CACNA1C: variants seen among roughly 807,000 people sequenced by gnomAD.
CACNA1C encodes the protein voltage-dependent L-type calcium channel subunit alpha-1C.
In CACNA1C, 30 loss-of-function variants were observed where a neutral mutation model predicts 229.0. The observed-to-expected ratio is 0.13, with a 90% CI of 0.10 to 0.18. CACNA1C has a LOEUF of 0.18. CACNA1C is among the 10% of genes least tolerant of loss of function. The pLI, the probability that CACNA1C is intolerant of heterozygous loss-of-function variation, is 1.00. For synonymous variants in CACNA1C, 1,114 were observed against 1,132.5 expected (o/e 0.98, Z 0.33); for missense variants, 1,658 against 2,845.0 (o/e 0.58, Z 9.49).
chr12:2,556,071 C>G (rs2044083841), intron 10 of CACNA1C, among the ~76,000 whole-genome samples: 1 of 152,170 alleles, frequency 6.6e-6, no homozygotes, highest in African/African-American at 2.4e-5. Context: ...TCTCCTAGCA[C>G]CAAAGCCAAG....
chr12:2,077,472 T>G (rs2063648806), intron 1 of CACNA1C, among the ~76,000 whole-genome samples: 1 of 152,134 alleles, frequency 6.6e-6, no homozygotes, highest in Non-Finnish European at 1.5e-5. Flanking sequence ...AAAAATAGCC[T>G]TACTTTATTG....
intron 11 of CACNA1C, among the ~76,000 whole-genome samples, chr12:2,560,836 T>C (rs2047040491): frequency 7.2e-6 from 1 of 138,020 alleles, no homozygotes; most frequent in Non-Finnish European, 1.5e-5. Flanking sequence ...TGGTGTTTGT[T>C]GTTGGTTCTG....
intron 3 of CACNA1C, among the ~76,000 whole-genome samples, chr12:2,260,082 A>C (rs774839360): frequency 1.3e-5 from 2 of 152,206 alleles, no homozygotes; most frequent in African/African-American, 4.8e-5. Context: ...GTCCCAAACC[A>C]TCAGAAGGAA....
At chr12:2,378,358 A>G (rs2098133205) in intron 3 of CACNA1C, among the ~76,000 whole-genome samples, 1 of 152,128 alleles carries the variant, frequency 6.6e-6, no homozygotes, top group African/African-American at 2.4e-5. Context: ...GCACCCCTCT[A>G]TGGCCTCTGC....
At chr12:2,160,768 T>C (rs923035254) in intron 3 of CACNA1C, among the ~76,000 whole-genome samples, 2 of 152,224 alleles carry the variant, frequency 1.3e-5, no homozygotes, top group East Asian at 3.8e-4. Flanking sequence ...CAAGTTTCTT[T>C]GCTTTCCAGT....
In CACNA1C at chr12:2,116,523, G is replaced by A. The variant is rs140081148; in HGVS notation, c.371+978G>A. On this transcript the variant is annotated intron_variant, in intron 2 of 46. Coordinates refer to ENST00000399655, the MANE Select transcript of CACNA1C (RefSeq NM_000719.7). Reference sequence around the variant, plus strand: ...CGGGACCACAGGTGCCCGCCACCACGCTCGGCTATTCTTTTTTGTATTTTT... The same window carrying A: ...CGGGACCACAGGTGCCCGCCACCACACTCGGCTATTCTTTTTTGTATTTTT... Among the ~76,000 whole-genome samples the A allele has an allele frequency of 4.8e-3, 724 of 152,142 alleles. 5 individuals carry two copies. The highest frequency in any genetic ancestry group is 0.017 in the African/African-American group (696 of 41,510).
chr12:2,192,270 A>G (rs1002512424), intron 3 of CACNA1C, among the ~76,000 whole-genome samples: 1 of 152,136 alleles, frequency 6.6e-6, no homozygotes, highest in Non-Finnish European at 1.5e-5. Context: ...GTGTCTTCCT[A>G]TATTTCTTGC....
At chr12:2,043,154 A>G (rs924597798) in intron 1 of CACNA1C, among the ~76,000 whole-genome samples, 4 of 152,230 alleles carry the variant, frequency 2.6e-5, no homozygotes, top group Non-Finnish European at 5.9e-5. Context: ...TATGAATTAG[A>G]ATCATTGACT....
intron 3 of CACNA1C, among the ~76,000 whole-genome samples, chr12:2,282,113 A>G (rs2091453543): frequency 6.6e-6 from 1 of 151,906 alleles, no homozygotes; most frequent in Admixed American, 6.6e-5. Context: ...AGGGGGATTT[A>G]CCTAATTTTA....
intron 1 of CACNA1C, among the ~76,000 whole-genome samples, chr12:2,077,420 T>TGA (rs1220374048): frequency 1.0e-4 from 1 of 9,676 alleles, no homozygotes; most frequent in Non-Finnish European, 2.8e-4. Flanking sequence ...GAAGATGAAG[T>TGA]AGTAGTATTG....
At chr12:2,617,197 A>G (rs1401325192) in intron 29 of CACNA1C, among the ~76,000 whole-genome samples, 3 of 152,202 alleles carry the variant, frequency 2.0e-5, no homozygotes, top group Non-Finnish European at 4.4e-5. Context: ...CACTTCCTTT[A>G]TCGAGAGTGA....
intron 4 of CACNA1C, among the ~76,000 whole-genome samples, chr12:2,455,053 T>C (rs951424906): frequency 6.6e-6 from 1 of 152,206 alleles, no homozygotes; most frequent in Non-Finnish European, 1.5e-5. Context: ...ACCCTTTCTG[T>C]GCACCCATCC....
rs1241518415 is a variant in CACNA1C at position 2,300,464 on chromosome 12, TA to T, written c.478-148500del. Among the ~76,000 whole-genome samples, 179 of 144,608 alleles carry T rather than the reference TA, an allele frequency of 1.2e-3. 1 individual carries two copies. Among genetic ancestry groups the T allele is most frequent in the African/African-American group, 3.0e-3 (120 of 39,696 alleles). The allele number at this position is 144,608 out of a possible 152,430, so 94.9% of individuals were successfully genotyped here. ...GGTGAAATCCTGTCTCTACTAAAAATAAAAAAAAAAAATTAGCTGGGCGTGG... is the reference window on the plus strand; with the variant it reads ...GGTGAAATCCTGTCTCTACTAAAAATAAAAAAAAAAATTAGCTGGGCGTGG... On this transcript the variant is annotated intron_variant, in intron 3 of 46. Coordinates refer to ENST00000399655, the MANE Select transcript of CACNA1C (RefSeq NM_000719.7).
At chr12:2,635,317 G>A (rs930844880) in intron 30 of CACNA1C, among the ~76,000 whole-genome samples, 2 of 152,124 alleles carry the variant, frequency 1.3e-5, no homozygotes, top group Non-Finnish European at 2.9e-5. Context: ...TCTGTTACCT[G>A]GCATGTTTAA....
intron 1 of CACNA1C, among the ~76,000 whole-genome samples, chr12:1,983,614 A>G (rs2036785864): frequency 6.6e-6 from 1 of 152,060 alleles, no homozygotes; most frequent in African/African-American, 2.4e-5. Flanking sequence ...CTCTTTAAAA[A>G]TTTTTAAGGT....
At chr12:2,593,602 C>A (rs1230462536) in intron 19 of CACNA1C, among the ~76,000 whole-genome samples, 1 of 152,168 alleles carries the variant, frequency 6.6e-6, no homozygotes, top group Admixed American at 6.5e-5. Flanking sequence ...TTTACTAATT[C>A]TATTTAACTT....
intron 3 of CACNA1C, among the ~76,000 whole-genome samples, chr12:2,331,457 G>T (rs1019675923): frequency 2.0e-5 from 3 of 152,240 alleles, no homozygotes; most frequent in African/African-American, 7.2e-5. Flanking sequence ...GTGCCAGAAA[G>T]TCATGCTCTC....
rs1174011266 is a variant in CACNA1C at position 2,647,219 on chromosome 12, G to C, written c.3913-1256G>C. ...AAGAGCAACCATCTGAAAGTGGAGA[G>C]TAAAAGCCAAGTCCTGACTTTCTAG... On this transcript the variant is annotated intron_variant, in intron 30 of 46. Coordinates refer to ENST00000399655, the MANE Select transcript of CACNA1C (RefSeq NM_000719.7). This position sits in a 1 kb window ranked among gnomAD's most constrained non-coding sequence, Gnocchi z 4.2. 6.6e-6 allele frequency among the ~76,000 whole-genome samples: 1 copy of C among 152,226 alleles called. No individual in the cohort carries two copies. The highest frequency in any genetic ancestry group is 1.9e-4 in the East Asian group (1 of 5,198).
intron 3 of CACNA1C, among the ~76,000 whole-genome samples, chr12:2,289,923 C>T (rs1438389826): frequency 6.6e-6 from 1 of 152,176 alleles, no homozygotes; most frequent in Non-Finnish European, 1.5e-5. Flanking sequence ...GATCACCTGG[C>T]CTAATTCTTC....
Sources: allele counts gnomAD v4.1 joint callset (sites outside exome capture counted in the v4.1 genomes callset), GRCh38; gene constraint gnomAD v4.1.1; non-coding constraint Gnocchi (gnomAD v3.1); transcripts MANE v1.5; gene names NCBI Gene and HGNC (gene_info 2026-07-23, HGNC 2026-07-21).